Variants in PLXNA4 observed in about 807,000 individuals in gnomAD.
The protein encoded by PLXNA4 is plexin-A4.
Under a neutral mutation model 191.8 loss-of-function variants are expected in PLXNA4, and 44 were observed. The ratio of observed to expected loss-of-function variants is 0.23; its 90% CI spans 0.18 to 0.29. The LOEUF is 0.29. PLXNA4 is among the 10% of genes least tolerant of loss of function. The pLI, the probability that PLXNA4 is intolerant of heterozygous loss-of-function variation, is 1.00. For missense variants in PLXNA4, 1,800 were observed against 2,488.8 expected, an observed-to-expected ratio of 0.72 and a Z score of 5.89; for synonymous variants, 1,082 against 1,009.5, an observed-to-expected ratio of 1.07 and a Z score of -1.36.
intron 21 of PLXNA4, among the ~76,000 whole-genome samples, chr7:132,169,505 C>G (rs1796220934): frequency 6.6e-6 from 1 of 152,170 alleles, no homozygotes; most frequent in African/African-American, 2.4e-5. Flanking sequence ...GGATACCACA[C>G]AGCAATGAGA....
At chr7:132,231,553 T>C (rs1275317613) in intron 5 of PLXNA4, among the ~76,000 whole-genome samples, 5 of 152,212 alleles carry the variant, frequency 3.3e-5, no homozygotes, top group African/African-American at 1.2e-4. Flanking sequence ...GCCTCCCAAG[T>C]AGCTGGGACT....
Position 132,316,194 on chromosome 7 carries a change from T to G in PLXNA4, c.1372-17972A>C, listed in dbSNP as rs189876777. Among the ~76,000 whole-genome samples, 6 of 152,328 alleles carry G rather than the reference T, an allele frequency of 3.9e-5. No individual in the cohort carries two copies. The East Asian group carries it at 1.2e-3, about 29-fold the overall frequency. ...ATGACTAAACTAAAAAATGCGACTC[T>G]ATCACCATAAGCCTCCCTATGTTGT... On this transcript the variant is annotated intron_variant, in intron 3 of 31. Transcript: ENST00000321063.
chr7:132,283,744 C>T (rs13222229), intron 4 of PLXNA4, among the ~76,000 whole-genome samples: 12,348 of 152,308 alleles, frequency 0.081, 826 homozygotes, highest in Admixed American at 0.19. Flanking sequence ...CTAGGTGCTC[C>T]TGGTAACATG....
In PLXNA4 at chr7:132,550,058, G is replaced by T. The variant is rs573537945; in HGVS notation, c.-87+26364C>A. ...GACTTTGGGGTTGGAACCTTGTTCTGCTGTGGCTGTTCTGTGGGTTCTATA... is the reference window on the plus strand; with the variant it reads ...GACTTTGGGGTTGGAACCTTGTTCTTCTGTGGCTGTTCTGTGGGTTCTATA... On this transcript the variant is annotated intron_variant, in intron 1 of 31. Transcript: ENST00000321063. 3.9e-5 allele frequency among the ~76,000 whole-genome samples: 6 copies of T among 152,298 alleles called. No homozygotes were observed. The East Asian group carries it at 1.2e-3, about 29-fold the overall frequency.
intron 9 of PLXNA4, among the ~76,000 whole-genome samples, chr7:132,214,419 A>AGGGCT (rs1797900492): frequency 1.3e-5 from 2 of 152,174 alleles, no homozygotes; most frequent in Non-Finnish European, 2.9e-5. Context: ...GGAGAGGCCC[A>AGGGCT]GGGCTGGGCT....
At chr7:132,500,378 G>C (rs956334215) in intron 2 of PLXNA4, among the ~76,000 whole-genome samples, 25 of 152,120 alleles carry the variant, frequency 1.6e-4, no homozygotes, top group African/African-American at 6.0e-4. Flanking sequence ...GGGAAGCATG[G>C]GTTGCAGTGA....
intron 2 of PLXNA4, among the ~76,000 whole-genome samples, chr7:132,645,642 G>A (rs1262623879): frequency 6.6e-6 from 1 of 152,214 alleles, no homozygotes; most frequent in Non-Finnish European, 1.5e-5. Context: ...CTCATCTTAT[G>A]AGTAAAGAAA....
chr7:132,193,038 G>C (rs1326752049), intron 14 of PLXNA4, among the ~76,000 whole-genome samples: 2 of 152,110 alleles, frequency 1.3e-5, no homozygotes, highest in Admixed American at 1.3e-4. Flanking sequence ...CATGAAATAG[G>C]GATAATGGTG....
intron 3 of PLXNA4, among the ~76,000 whole-genome samples, chr7:132,311,231 G>C: frequency 6.7e-6 from 1 of 149,266 alleles, no homozygotes; most frequent in African/African-American, 2.5e-5. Context: ...AGGAAGTGAG[G>C]GATGCATGTG....
chr7:132,457,546 C>T (rs192585906), intron 3 of PLXNA4, among the ~76,000 whole-genome samples: 1 of 152,158 alleles, frequency 6.6e-6, no homozygotes, highest in Admixed American at 6.6e-5. Context: ...GAGAAAATAC[C>T]TCCCTGTGTG....
At chr7:132,212,812 A>C (rs1797846076) in intron 9 of PLXNA4, among the ~76,000 whole-genome samples, 1 of 152,132 alleles carries the variant, frequency 6.6e-6, no homozygotes, top group South Asian at 2.1e-4. Context: ...CCATTAAACT[A>C]ATCCCTCCTC....
At chr7:132,171,582 G>C (rs1796287685) in intron 21 of PLXNA4, among the ~76,000 whole-genome samples, 1 of 152,198 alleles carries the variant, frequency 6.6e-6, no homozygotes, top group Non-Finnish European at 1.5e-5. Flanking sequence ...ACATGGGTTG[G>C]CTAGATAGCA....
intron 30 of PLXNA4, 70 bp downstream of exon 30, chr7:132,140,529 G>A (rs1380009483): frequency 1.3e-6 from 2 of 1,576,194 alleles, no homozygotes; most frequent in African/African-American, 1.4e-5. Context: ...GATGGGGAGG[G>A]GACCTTTTGT....
chr7:132,388,645 A>G (rs1805263689), intron 3 of PLXNA4, among the ~76,000 whole-genome samples: 1 of 152,198 alleles, frequency 6.6e-6, no homozygotes, highest in Non-Finnish European at 1.5e-5. Flanking sequence ...ATAAGTACGT[A>G]TGAAGAGTTT....
intron 4 of PLXNA4, among the ~76,000 whole-genome samples, chr7:132,260,619 G>A (rs113274124): frequency 4.6e-5 from 7 of 151,840 alleles, no homozygotes; most frequent in South Asian, 2.1e-4. Context: ...TCAGCGACAC[G>A]CGATTTACCC....
intron 3 of PLXNA4, chr7:132,383,866 C>T: frequency 1.0e-6 from 1 of 985,398 alleles, no homozygotes; most frequent in Non-Finnish European, 1.2e-6. Flanking sequence ...TTAGAATTCC[C>T]AACAGCCATG....
intron 2 of PLXNA4, among the ~76,000 whole-genome samples, chr7:132,612,442 C>T (rs1395275924): frequency 6.6e-6 from 1 of 152,100 alleles, no homozygotes; most frequent in Non-Finnish European, 1.5e-5. Context: ...GGGCAGATCA[C>T]TTGAGGTCAG....
intron 3 of PLXNA4, among the ~76,000 whole-genome samples, chr7:132,442,406 C>T (rs979419616): frequency 7.9e-5 from 12 of 152,156 alleles, no homozygotes; most frequent in Admixed American, 2.0e-4. Context: ...CAACTCCCAA[C>T]CCCCATCCCA....
intron 16 of PLXNA4, 60 bp from the exon 17 acceptor site, chr7:132,182,250 C>A: frequency 1.3e-6 from 2 of 1,596,198 alleles, no homozygotes; most frequent in Non-Finnish European, 8.5e-7. Context: ...CAATGGCACT[C>A]TACAATGATG....
Sources: allele counts gnomAD v4.1 joint callset (sites outside exome capture counted in the v4.1 genomes callset), GRCh38; gene constraint gnomAD v4.1.1; transcripts MANE v1.5; gene names NCBI Gene and HGNC (gene_info 2026-07-23, HGNC 2026-07-21).